Variants in PLCL1 observed in about 807,000 individuals in gnomAD.
The protein encoded by PLCL1 is inactive phospholipase C-like protein 1.
PLCL1 carries 41 observed loss-of-function variants against 84.4 expected under a neutral mutation model. The ratio of observed to expected loss-of-function variants is 0.49; its 90% CI spans 0.38 to 0.63. The LOEUF is 0.63. PLCL1 is among the 30% of genes least tolerant of loss of function. The pLI is 0.00. For synonymous variants in PLCL1, 490 were observed against 488.3 expected (o/e 1.00, Z -0.05); for missense variants, 1,206 against 1,367.8 (o/e 0.88, Z 1.87).
intron 1 of PLCL1, among the ~76,000 whole-genome samples, chr2:197,808,515 C>T (rs1690524651): frequency 6.6e-6 from 1 of 151,626 alleles, no homozygotes; most frequent in Non-Finnish European, 1.5e-5. Context: ...AATGAGTTTC[C>T]AAAAAAAGTC....
intron 1 of PLCL1, among the ~76,000 whole-genome samples, chr2:198,037,678 AT>A (rs1288917364): frequency 6.6e-6 from 1 of 152,138 alleles, no homozygotes; most frequent in Non-Finnish European, 1.5e-5. Flanking sequence ...GTCAATTGAG[AT>A]TTTTTCCAAA....
intron 1 of PLCL1, among the ~76,000 whole-genome samples, chr2:197,950,203 G>T (rs1318250481): frequency 1.3e-5 from 2 of 152,078 alleles, no homozygotes; most frequent in African/African-American, 4.8e-5. Flanking sequence ...CTGACTCAGG[G>T]GCCTCTCCAC....
At chr2:197,881,757 G>C (rs1218208324) in intron 1 of PLCL1, among the ~76,000 whole-genome samples, 1 of 151,900 alleles carries the variant, frequency 6.6e-6, no homozygotes, top group Non-Finnish European at 1.5e-5. Flanking sequence ...TTTTATTATA[G>C]ATAACTTTGA....
Position 197,891,927 on chromosome 2 carries a change from G to A in PLCL1, c.240+86588G>A, listed in dbSNP as rs554411486. Reference sequence around the variant, plus strand: ...GGGCCCTAATCTGTGCACTACACAGGAGTAGATGTGCCAAAGGAGGGTTTT... The same window carrying A: ...GGGCCCTAATCTGTGCACTACACAGAAGTAGATGTGCCAAAGGAGGGTTTT... On this transcript the variant is annotated intron_variant, in intron 1 of 5. Transcript: ENST00000428675. 3.3e-5 allele frequency among the ~76,000 whole-genome samples: 5 copies of A among 152,242 alleles called. No homozygotes were observed. The South Asian group carries it at 1.0e-3, about 32-fold the overall frequency.
intron 1 of PLCL1, among the ~76,000 whole-genome samples, chr2:197,893,692 A>C (rs1482509690): frequency 6.7e-6 from 1 of 149,368 alleles, no homozygotes; most frequent in Admixed American, 6.7e-5. Context: ...TTTAAACCCA[A>C]AGAAAGTTAG....
intron 1 of PLCL1, among the ~76,000 whole-genome samples, chr2:197,881,713 T>C (rs1687832969): frequency 6.6e-6 from 1 of 152,186 alleles, no homozygotes; most frequent in African/African-American, 2.4e-5. Context: ...CTGTATGTTC[T>C]TATGCAGCTT....
At chr2:198,126,618 A>C (rs548741107) in intron 5 of PLCL1, among the ~76,000 whole-genome samples, 1 of 152,202 alleles carries the variant, frequency 6.6e-6, no homozygotes, top group South Asian at 2.1e-4. Context: ...AAAATGATAG[A>C]GCCAGGCCAA....
At chr2:197,922,623 C>G (rs1303314682) in intron 1 of PLCL1, among the ~76,000 whole-genome samples, 3 of 139,706 alleles carry the variant, frequency 2.1e-5, no homozygotes, top group African/African-American at 7.8e-5. Context: ...CCGGACGGGG[C>G]GGCTGGCCGG....
chr2:198,083,626 T>C, intron 1 of PLCL1, 132 bp from the exon 2 acceptor site: 2 of 596,088 alleles, frequency 3.4e-6, no homozygotes, highest in South Asian at 6.0e-5. Flanking sequence ...ACAGTGAAAA[T>C]GTAAACTTTA....
At chr2:198,051,155 G>A (rs996061510) in intron 1 of PLCL1, among the ~76,000 whole-genome samples, 1 of 152,154 alleles carries the variant, frequency 6.6e-6, no homozygotes, top group Non-Finnish European at 1.5e-5. Context: ...AAACTCATTA[G>A]AAAGGGAACT....
At chr2:197,961,486 A>G (rs1689622264) in intron 1 of PLCL1, among the ~76,000 whole-genome samples, 1 of 151,998 alleles carries the variant, frequency 6.6e-6, no homozygotes, top group Non-Finnish European at 1.5e-5. Flanking sequence ...GTTTATTTAT[A>G]TATCCCTTTT....
At chr2:198,062,806 T>C (rs963190025) in intron 1 of PLCL1, among the ~76,000 whole-genome samples, 9 of 152,178 alleles carry the variant, frequency 5.9e-5, no homozygotes, top group African/African-American at 1.9e-4. Context: ...CCTGGGAATA[T>C]ACTAAGTCAA....
chr2:198,045,385 A>G (rs1490971300), intron 1 of PLCL1, among the ~76,000 whole-genome samples: 2 of 152,208 alleles, frequency 1.3e-5, no homozygotes, highest in African/African-American at 4.8e-5. Context: ...AGGGTTATGA[A>G]TCATAGGAAT....
At chr2:197,911,503 T>A (rs189471437) in intron 1 of PLCL1, among the ~76,000 whole-genome samples, 1 of 152,270 alleles carries the variant, frequency 6.6e-6, no homozygotes, top group Admixed American at 6.5e-5. Context: ...CTTCAGAAAT[T>A]ATGGTTTAAA....
intron 1 of PLCL1, among the ~76,000 whole-genome samples, chr2:197,829,098 T>C (rs1270204127): frequency 2.0e-5 from 3 of 152,236 alleles, no homozygotes; most frequent in African/African-American, 7.2e-5. Flanking sequence ...CATAAGTTTT[T>C]AGTACAATTT....
At chr2:197,971,586 T>C (rs998306220) in intron 1 of PLCL1, among the ~76,000 whole-genome samples, 1 of 152,186 alleles carries the variant, frequency 6.6e-6, no homozygotes, top group African/African-American at 2.4e-5. Flanking sequence ...CAAAAGACCA[T>C]AGAATTAGCA....
At chr2:198,132,861 T>C (rs1029180583) in intron 5 of PLCL1, among the ~76,000 whole-genome samples, 1 of 152,008 alleles carries the variant, frequency 6.6e-6, no homozygotes, top group African/African-American at 2.4e-5. Flanking sequence ...TTTTGGCTTT[T>C]GTTGCCATTG....
chr2:198,008,177 C>A, intron 1 of PLCL1, among the ~76,000 whole-genome samples: 2 of 152,096 alleles, frequency 1.3e-5, no homozygotes, highest in East Asian at 1.9e-4. Flanking sequence ...TTAAGTAATT[C>A]TTTGGGCTTG....
intron 1 of PLCL1, among the ~76,000 whole-genome samples, chr2:197,885,809 T>C (rs1482241438): frequency 6.6e-6 from 1 of 152,204 alleles, no homozygotes; most frequent in East Asian, 1.9e-4. Flanking sequence ...ATTTTGGCCA[T>C]GTGCTGAATT....
Sources: allele counts gnomAD v4.1 joint callset (sites outside exome capture counted in the v4.1 genomes callset), GRCh38; gene constraint gnomAD v4.1.1; transcripts MANE v1.5; gene names NCBI Gene and HGNC (gene_info 2026-07-23, HGNC 2026-07-21).